Variants in NIPBL observed in about 807,000 individuals in gnomAD.
NIPBL encodes the protein NIPBL cohesin loading factor.
NIPBL carries 19 observed loss-of-function variants against 321.8 expected under a neutral mutation model. The observed-to-expected ratio is 0.06, with a 90% CI of 0.04 to 0.09. The LOEUF (loss-of-function observed/expected upper bound fraction) is 0.09, where lower values mean the gene tolerates loss of function less well. NIPBL is among the 10% of genes least tolerant of loss of function. The pLI is 1.00. For missense variants in NIPBL, 2,210 were observed against 3,327.0 expected (o/e 0.66, Z 8.26); for synonymous variants, 1,106 against 1,114.1 (o/e 0.99, Z 0.14).
chr5:37,014,183 A>C (rs1353801422), intron 21 of NIPBL, among the ~76,000 whole-genome samples: 2 of 151,870 alleles, frequency 1.3e-5, no homozygotes, highest in African/African-American at 4.8e-5. Context: ...GCTCGGCATC[A>C]GAGGGAGACC....
rs568623190 is a variant in NIPBL, at chr5:36,962,555, C to A, written c.610+281C>A. On this transcript the variant is annotated intron_variant, in intron 6 of 46. Coordinates refer to ENST00000282516, the MANE Select transcript of NIPBL (RefSeq NM_133433.4). ...TTAGGTGTGAAATTAAGAAGAACTG[C>A]GTTTTTAAAAATTGCTCCTTCTTCT... Among the ~76,000 whole-genome samples the A allele has an allele frequency of 5.9e-5, 9 of 152,188 alleles. No individual in the cohort carries two copies. The South Asian group carries it at 1.9e-3, about 32-fold the overall frequency.
intron 1 of NIPBL, among the ~76,000 whole-genome samples, chr5:36,887,477 A>AG (rs967415851): frequency 4.6e-5 from 7 of 152,226 alleles, no homozygotes; most frequent in African/African-American, 1.7e-4. Context: ...TAATGAGAAA[A>AG]GAGTAATTTT....
intron 1 of NIPBL, among the ~76,000 whole-genome samples, chr5:36,949,929 A>G (rs1266537052): frequency 1.3e-5 from 2 of 152,014 alleles, no homozygotes; most frequent in Non-Finnish European, 2.9e-5. Context: ...CAGACTCATT[A>G]GAATGGACTA....
intron 11 of NIPBL, among the ~76,000 whole-genome samples, 190 bp downstream of exon 11, chr5:36,995,994 A>G (rs928784287): frequency 6.6e-6 from 1 of 152,206 alleles, no homozygotes; most frequent in African/African-American, 2.4e-5. Flanking sequence ...CAAGAAAAAA[A>G]TATTAAATAA....
intron 32 of NIPBL, among the ~76,000 whole-genome samples, chr5:37,032,452 A>C (rs1751177779): frequency 1.4e-5 from 2 of 140,132 alleles, no homozygotes; most frequent in South Asian, 4.5e-4. Context: ...GTGTGTGTTC[A>C]TCCCAGCAGA....
intron 1 of NIPBL, among the ~76,000 whole-genome samples, chr5:36,887,906 A>G (rs976973700): frequency 6.6e-6 from 1 of 152,178 alleles, no homozygotes; most frequent in Non-Finnish European, 1.5e-5. Context: ...AAAACTATTA[A>G]AAAATACATG....
chr5:37,010,944 T>A (rs1448928384), intron 21 of NIPBL, among the ~76,000 whole-genome samples: 1 of 152,170 alleles, frequency 6.6e-6, no homozygotes, highest in Non-Finnish European at 1.5e-5. Context: ...CAAAATGATA[T>A]TCAAAGGAAA....
chr5:36,912,752 G>A lies in NIPBL; in HGVS notation c.-80+35574G>A, dbSNP rs372563755. ...TGACCTCAGGTGATCCACCCGCCTC[G>A]GCCTCCCAGAGTGCTGGGATTACAG... is the stretch of plus-strand genomic sequence containing the variant. On this transcript the variant is annotated intron_variant, in intron 1 of 46. Coordinates refer to ENST00000282516, the MANE Select transcript of NIPBL (RefSeq NM_133433.4). Among the ~76,000 whole-genome samples the A allele has an allele frequency of 9.9e-5, 15 of 152,094 alleles. No homozygotes were observed. The East Asian group carries it at 2.7e-3, about 27-fold the overall frequency.
chr5:36,915,793 C>T (rs1748412571), intron 1 of NIPBL, among the ~76,000 whole-genome samples: 1 of 151,922 alleles, frequency 6.6e-6, no homozygotes, highest in African/African-American at 2.4e-5. Flanking sequence ...TAACACATGC[C>T]CAAGTATCTC....
chr5:36,917,003 T>G (rs1428005711), intron 1 of NIPBL, among the ~76,000 whole-genome samples: 2 of 152,218 alleles, frequency 1.3e-5, no homozygotes, highest in Non-Finnish European at 2.9e-5. Flanking sequence ...TATAGTCCTT[T>G]GGGTATATAC....
chr5:37,041,864 C>A lies in NIPBL; in HGVS notation c.6109-2483C>A, dbSNP rs576555738. On this transcript the variant is annotated intron_variant, in intron 34 of 46. Transcript: ENST00000282516. The stretch of plus-strand genomic sequence containing the variant: ...ATAGGCGTGAGCCACTGTGCCCAGC[C>A]ACTACATTTTTTTTTTTTTTAAGTA... Among the ~76,000 whole-genome samples the A allele has an allele frequency of 8.4e-5, 12 of 143,668 alleles. No homozygotes were observed. In the East Asian group the frequency reaches 2.4e-3, roughly 28 times the overall value. 94.3% of individuals were successfully genotyped at this position (143,668 alleles called of 152,430 possible).
intron 34 of NIPBL, among the ~76,000 whole-genome samples, 181 bp from the exon 35 acceptor site, chr5:37,044,166 A>G (rs1292912396): frequency 2.6e-5 from 4 of 152,146 alleles, no homozygotes; most frequent in South Asian, 2.1e-4. Context: ...TTGTCGGTAC[A>G]TATTCCTGAC....
At chr5:36,992,798 A>G (rs1416575905) in intron 10 of NIPBL, among the ~76,000 whole-genome samples, 1 of 151,548 alleles carries the variant, frequency 6.6e-6, no homozygotes. Context: ...GCTGGAGTGC[A>G]GTGGCGTGAT....
intron 6 of NIPBL, among the ~76,000 whole-genome samples, chr5:36,963,027 G>A (rs1741802974): frequency 6.6e-6 from 1 of 152,000 alleles, no homozygotes; most frequent in South Asian, 2.1e-4. Context: ...TACAGTAAAG[G>A]AAAATTAATC....
chr5:36,879,366 AG>A (rs1201247491), intron 1 of NIPBL, among the ~76,000 whole-genome samples: 3 of 152,178 alleles, frequency 2.0e-5, no homozygotes, highest in African/African-American at 7.2e-5. Context: ...CTACATATTT[AG>A]TAATTTGTGA....
chr5:36,965,764 T>G (rs1742134020), intron 6 of NIPBL, among the ~76,000 whole-genome samples: 1 of 152,110 alleles, frequency 6.6e-6, no homozygotes, highest in African/African-American at 2.4e-5. Context: ...AATGTATTTA[T>G]CACATGTATC....
chr5:37,026,787 C>T (rs1750318299), intron 31 of NIPBL, among the ~76,000 whole-genome samples: 1 of 151,814 alleles, frequency 6.6e-6, no homozygotes, highest in Non-Finnish European at 1.5e-5. Flanking sequence ...CCCAGCTGCT[C>T]AGGAGTCTGA....
At chr5:36,913,121 T>C (rs879729283) in intron 1 of NIPBL, among the ~76,000 whole-genome samples, 1 of 152,208 alleles carries the variant, frequency 6.6e-6, no homozygotes, top group Non-Finnish European at 1.5e-5. Flanking sequence ...ATAATCTTTT[T>C]AGAGGACATT....
chr5:36,943,101 G>A (rs900219303), intron 1 of NIPBL, among the ~76,000 whole-genome samples: 1 of 151,772 alleles, frequency 6.6e-6, no homozygotes, highest in African/African-American at 2.4e-5. Context: ...AATATTTTCA[G>A]TCCACAATTT....
Sources: allele counts gnomAD v4.1 joint callset (sites outside exome capture counted in the v4.1 genomes callset), GRCh38; gene constraint gnomAD v4.1.1; transcripts MANE v1.5; gene names NCBI Gene and HGNC (gene_info 2026-07-23, HGNC 2026-07-21).